The following TMPRSS11F variants were observed in gnomAD, a reference collection of about 807,000 sequenced individuals.
The protein encoded by TMPRSS11F is transmembrane protease serine 11F.
A neutral mutation model predicts 60.2 loss-of-function variants in TMPRSS11F; 47 were observed. The observed-to-expected ratio is 0.78, with a 90% CI of 0.62 to 1.00. The LOEUF is 1.00. Among genes scored for constraint, TMPRSS11F ranks in the 50% least tolerant of loss-of-function variants. The pLI is 0.00. For missense variants in TMPRSS11F, 519 were observed against 522.9 expected, an observed-to-expected ratio of 0.99 and a Z score of 0.07; for synonymous variants, 166 against 167.3, an observed-to-expected ratio of 0.99 and a Z score of 0.06.
At chr4:68,090,461 C>A (rs566430626) in intron 3 of TMPRSS11F, 62 bp downstream of exon 3, 3 of 1,508,534 alleles carry the variant, frequency 2.0e-6, no homozygotes, top group Middle Eastern at 4.0e-4. Flanking sequence ...CTATATAACA[C>A]CCACATTCAA....
At chr4:68,121,856 C>T (rs1724631071) in intron 1 of TMPRSS11F, among the ~76,000 whole-genome samples, 1 of 152,118 alleles carries the variant, frequency 6.6e-6, no homozygotes, top group African/African-American at 2.4e-5. Context: ...TCTAAAGGGC[C>T]ATGTGTGAAA....
At chr4:68,092,207 A>G (rs567634859) in intron 2 of TMPRSS11F, among the ~76,000 whole-genome samples, 15 of 124,516 alleles carry the variant, frequency 1.2e-4, no homozygotes, top group African/African-American at 3.7e-4. Context: ...ATTTAAAAAC[A>G]TTTTTTAGAT....
At position 68,089,058 on chromosome 4, in the gene TMPRSS11F, C is replaced by A. The variant is rs577424934; in HGVS notation, c.282+1465G>T. Among the ~76,000 whole-genome samples, 15 of 152,008 alleles carry A rather than the reference C, an allele frequency of 9.9e-5. No homozygotes were observed. The East Asian group carries it at 2.3e-3, about 23-fold the overall frequency. ...CAGAATTAGAAAAAAAAAAACTATTCTGAAACTTACACGGAACCAAAAAAG... is the reference window on the plus strand; with the variant it reads ...CAGAATTAGAAAAAAAAAAACTATTATGAAACTTACACGGAACCAAAAAAG... On this transcript the variant is annotated intron_variant, in intron 3 of 9. Coordinates refer to ENST00000356291, the MANE Select transcript of TMPRSS11F (RefSeq NM_207407.2).
intron 6 of TMPRSS11F, among the ~76,000 whole-genome samples, chr4:68,069,285 T>G (rs748409584): frequency 7.2e-5 from 11 of 152,212 alleles, no homozygotes; most frequent in Non-Finnish European, 1.3e-4. Context: ...ATACTAACTG[T>G]AGGTCATGAT....
chr4:68,086,462 G>A (rs1345233575), intron 3 of TMPRSS11F, among the ~76,000 whole-genome samples: 1 of 151,930 alleles, frequency 6.6e-6, no homozygotes, highest in Admixed American at 6.6e-5. Flanking sequence ...TGCACATAGA[G>A]AAACTAGAAA....
chr4:68,071,143 C>A (rs1723453822), intron 5 of TMPRSS11F, among the ~76,000 whole-genome samples: 1 of 152,122 alleles, frequency 6.6e-6, no homozygotes, highest in Non-Finnish European at 1.5e-5. Context: ...ACAGTTATAT[C>A]ATCAGGAATT....
At chr4:68,073,819 G>C in intron 4 of TMPRSS11F, 123 bp downstream of exon 4, 3 of 611,124 alleles carry the variant, frequency 4.9e-6, no homozygotes, top group Non-Finnish European at 5.6e-6. Flanking sequence ...ACCTTGGGCT[G>C]CTCAAGATTT....
chr4:68,057,696 G>A (rs1367138130), intron 9 of TMPRSS11F, among the ~76,000 whole-genome samples: 2 of 152,012 alleles, frequency 1.3e-5, no homozygotes, highest in East Asian at 1.9e-4. Context: ...TAAAAAATTG[G>A]CAAAGGACTT....
chr4:68,060,651 A>C (rs1723150504), intron 8 of TMPRSS11F, among the ~76,000 whole-genome samples: 2 of 149,278 alleles, frequency 1.3e-5, no homozygotes, highest in African/African-American at 2.5e-5. Flanking sequence ...AAAATCCTGG[A>C]GAAAGCTCAT....
chr4:68,091,765 C>G (rs147391288), intron 2 of TMPRSS11F, among the ~76,000 whole-genome samples: 8 of 114,536 alleles, frequency 7.0e-5, no homozygotes, highest in African/African-American at 2.3e-4. Context: ...CTCTCTCTCT[C>G]TCTCTCTCTC....
chr4:68,086,240 T>C (rs1410081758), intron 3 of TMPRSS11F, among the ~76,000 whole-genome samples: 1 of 151,990 alleles, frequency 6.6e-6, no homozygotes. Context: ...ACCACACAAC[T>C]ACATGGAAAT....
rs777262611 is a variant in TMPRSS11F, at chr4:68,064,706, A to C, written c.994T>G (p.Phe332Val). Residue 332 changes from phenylalanine to valine, a missense_variant, in exon 8 of 10, where the codon TTT (phenylalanine) becomes GTT (valine). Coordinates refer to ENST00000356291, the MANE Select transcript of TMPRSS11F (RefSeq NM_207407.2). ...PPKTSVFVTGFGSIVDDGPIQ... is the reference protein window; with the variant it reads ...PPKTSVFVTGVGSIVDDGPIQ... ...TCACCATCATCTACAATGGATCCAA[A>C]TCCTGTGACGAACACACTTGTTTTA... 6.8e-6 allele frequency: 11 copies of C among 1,614,156 alleles called. No homozygotes were observed. Among genetic ancestry groups the C allele is most frequent in the Non-Finnish European group, 9.3e-6 (11 of 1,180,028 alleles).
chr4:68,104,572 G>A (rs1286761716), intron 1 of TMPRSS11F, among the ~76,000 whole-genome samples: 2 of 152,106 alleles, frequency 1.3e-5, no homozygotes, highest in African/African-American at 4.8e-5. Flanking sequence ...ATGATTATAA[G>A]TTTCCTGAGG....
chr4:68,097,706 T>A (rs1015722139), intron 2 of TMPRSS11F, among the ~76,000 whole-genome samples: 1 of 152,016 alleles, frequency 6.6e-6, no homozygotes, highest in South Asian at 2.1e-4. Context: ...TACTATCCCT[T>A]CATTTTTTTT....
chr4:68,086,754 T>C (rs112457183), intron 3 of TMPRSS11F, among the ~76,000 whole-genome samples: 24 of 147,918 alleles, frequency 1.6e-4, no homozygotes, highest in African/African-American at 5.4e-4. Context: ...CCCCTATGCA[T>C]GTAAATTAGA....
intron 5 of TMPRSS11F, 97 bp downstream of exon 5, chr4:68,072,226 A>ATATATATATATATATATATAT (rs61224244): frequency 0.077 from 6,023 of 77,960 alleles, 1,760 homozygotes; most frequent in East Asian, 0.11. Context: ...TCTTCCAAAA[A>ATATATATATATATATATATAT]AAAAATATAT....
intron 3 of TMPRSS11F, among the ~76,000 whole-genome samples, chr4:68,083,324 G>T (rs187816851): frequency 1.1e-3 from 167 of 152,210 alleles, no homozygotes; most frequent in Admixed American, 1.8e-3. Flanking sequence ...GATTAAAGGG[G>T]GCCCCCTAAG....
intron 2 of TMPRSS11F, among the ~76,000 whole-genome samples, chr4:68,093,640 A>T (rs1695696997): frequency 6.6e-6 from 1 of 151,974 alleles, no homozygotes; most frequent in African/African-American, 2.4e-5. Context: ...AATTTTTGCA[A>T]CCTACTCGTC....
intron 3 of TMPRSS11F, among the ~76,000 whole-genome samples, chr4:68,075,070 A>G (rs1723556389): frequency 6.6e-6 from 1 of 152,204 alleles, no homozygotes; most frequent in Admixed American, 6.5e-5. Flanking sequence ...CATAAGATCT[A>G]TTTCCATGGT....
Sources: gnomAD v4.1 joint callset for allele counts (sites outside exome capture counted in the v4.1 genomes callset) on GRCh38, gnomAD v4.1.1 for gene constraint, MANE v1.5 for transcripts, NCBI Gene and HGNC (gene_info 2026-07-23, HGNC 2026-07-21) for gene names.